Variants in STK32B observed in about 807,000 individuals in gnomAD.
The protein encoded by STK32B is serine/threonine-protein kinase 32B.
Under a neutral mutation model 52.6 loss-of-function variants are expected in STK32B, and 43 were observed. The ratio of observed to expected loss-of-function variants is 0.82; its 90% CI spans 0.64 to 1.05. STK32B has a LOEUF of 1.05. Ranked by LOEUF, STK32B falls within the 50% of genes least tolerant of loss-of-function variation. STK32B has a pLI of 0.00. For missense variants in STK32B, 621 were observed against 534.6 expected (o/e 1.16, Z -1.59); for synonymous variants, 238 against 204.3 (o/e 1.17, Z -1.41).
At chr4:5,332,309 G>A (rs1732312976) in intron 4 of STK32B, among the ~76,000 whole-genome samples, 1 of 152,104 alleles carries the variant, frequency 6.6e-6, no homozygotes, top group Non-Finnish European at 1.5e-5. Context: ...AGTGATCGAT[G>A]ACTTAGGAAA....
chr4:5,205,982 C>T (rs1268875479), intron 3 of STK32B, among the ~76,000 whole-genome samples: 1 of 152,178 alleles, frequency 6.6e-6, no homozygotes, highest in Non-Finnish European at 1.5e-5. Context: ...ATATTCTTGG[C>T]ACCAGGTGCC....
intron 3 of STK32B, among the ~76,000 whole-genome samples, chr4:5,322,390 C>T (rs1731566112): frequency 6.6e-6 from 1 of 152,110 alleles, no homozygotes; most frequent in Admixed American, 6.5e-5. Flanking sequence ...AGTGAGACCT[C>T]CCCTCCATCT....
chr4:5,307,851 A>G (rs113428247), intron 3 of STK32B, among the ~76,000 whole-genome samples: 17,735 of 151,992 alleles, frequency 0.12, 2,616 homozygotes, highest in African/African-American at 0.35. Flanking sequence ...CCTTTCCCCT[A>G]GGGATGGGGC....
chr4:5,465,965 C>CTTACT (rs1410566521), intron 9 of STK32B, among the ~76,000 whole-genome samples: 97 of 152,286 alleles, frequency 6.4e-4, no homozygotes, highest in African/African-American at 2.3e-3. Flanking sequence ...AACTGAGTCC[C>CTTACT]AAGGAAGTCA....
chr4:5,406,265 G>C (rs56049798), intron 5 of STK32B, among the ~76,000 whole-genome samples: 1 of 152,102 alleles, frequency 6.6e-6, no homozygotes, highest in Non-Finnish European at 1.5e-5. Flanking sequence ...ATCTCTGCCC[G>C]TGTTGCTCTG....
intron 3 of STK32B, among the ~76,000 whole-genome samples, chr4:5,309,760 C>T (rs6838569): frequency 0.13 from 19,490 of 152,132 alleles, 2,704 homozygotes; most frequent in African/African-American, 0.36. Context: ...AAATGTAATA[C>T]CTGAATCTGT....
intron 5 of STK32B, among the ~76,000 whole-genome samples, chr4:5,408,701 C>A (rs1459891564): frequency 1.3e-5 from 2 of 152,056 alleles, no homozygotes; most frequent in African/African-American, 4.8e-5. Flanking sequence ...TGCACTGTTC[C>A]CAGGACAGTA....
intron 5 of STK32B, among the ~76,000 whole-genome samples, chr4:5,404,741 G>T (rs995078905): frequency 1.3e-5 from 2 of 151,744 alleles, no homozygotes; most frequent in African/African-American, 4.9e-5. Flanking sequence ...CATCATCTGT[G>T]ATGACCTTAT....
chr4:5,478,256 T>A (rs1718389166), intron 11 of STK32B, among the ~76,000 whole-genome samples: 1 of 152,178 alleles, frequency 6.6e-6, no homozygotes. Context: ...CAATCCCCCA[T>A]GACTCAGAAA....
chr4:5,152,959 C>A (rs1290451422), intron 2 of STK32B, among the ~76,000 whole-genome samples: 5 of 152,194 alleles, frequency 3.3e-5, no homozygotes, highest in South Asian at 2.1e-4. Context: ...ATGGTCCTGG[C>A]AACTGGAGAC....
chr4:5,154,209 G>GTT (rs1307014327), intron 2 of STK32B, among the ~76,000 whole-genome samples: 1 of 125,178 alleles, frequency 8.0e-6, no homozygotes, highest in African/African-American at 3.0e-5. Context: ...TGCCTTCCAT[G>GTT]TCTTTTTTTT....
At chr4:5,308,556 G>C (rs1730079480) in intron 3 of STK32B, among the ~76,000 whole-genome samples, 1 of 152,168 alleles carries the variant, frequency 6.6e-6, no homozygotes, top group Non-Finnish European at 1.5e-5. Flanking sequence ...TGTGTGCTTA[G>C]CATCAGAAAG....
At chr4:5,447,377 C>T (rs1307627838) in intron 7 of STK32B, 1 of 152,182 alleles carries the variant, frequency 6.6e-6, no homozygotes, top group African/African-American at 2.4e-5. Flanking sequence ...ACTGTAATCC[C>T]AGCACTTTGG....
intron 4 of STK32B, among the ~76,000 whole-genome samples, chr4:5,384,044 A>T (rs1736095260): frequency 6.6e-6 from 1 of 152,172 alleles, no homozygotes; most frequent in African/African-American, 2.4e-5. Context: ...CATCTAGGGA[A>T]TGGGCCTTCC....
chr4:5,498,757 G>A (rs1224932314), intron 11 of STK32B, among the ~76,000 whole-genome samples, 188 bp from the exon 12 acceptor site: 2 of 152,222 alleles, frequency 1.3e-5, no homozygotes, highest in Non-Finnish European at 2.9e-5. Flanking sequence ...CACCTGAGCT[G>A]CGCTTTGATC....
chr4:5,352,489 T>C (rs1733889009), intron 4 of STK32B, among the ~76,000 whole-genome samples: 1 of 151,930 alleles, frequency 6.6e-6, no homozygotes, highest in African/African-American at 2.4e-5. Context: ...GCTAACATCA[T>C]ACTGAATGGG....
At chr4:5,120,265 G>A (rs1480478340) in intron 1 of STK32B, among the ~76,000 whole-genome samples, 1 of 152,154 alleles carries the variant, frequency 6.6e-6, no homozygotes, top group African/African-American at 2.4e-5. Context: ...GATTGATACA[G>A]CAGAAGGCAA....
At chr4:5,160,604 G>T (rs954970635) in intron 2 of STK32B, among the ~76,000 whole-genome samples, 1 of 152,266 alleles carries the variant, frequency 6.6e-6, no homozygotes, top group South Asian at 2.1e-4. Context: ...TTAGTCCCAT[G>T]TGCTCACCTC....
At chr4:5,377,897 C>T (rs938423888) in intron 4 of STK32B, among the ~76,000 whole-genome samples, 1 of 152,106 alleles carries the variant, frequency 6.6e-6, no homozygotes, top group African/African-American at 2.4e-5. Flanking sequence ...TCTGGTATGT[C>T]TTCATAGCAG....
Sources: allele counts gnomAD v4.1 joint callset (sites outside exome capture counted in the v4.1 genomes callset), GRCh38; gene constraint gnomAD v4.1.1; transcripts MANE v1.5; gene names NCBI Gene and HGNC (gene_info 2026-07-23, HGNC 2026-07-21).